The following USP20 variants were observed in gnomAD, a reference collection of about 807,000 sequenced individuals.
USP20 encodes ubiquitin carboxyl-terminal hydrolase 20.
A neutral mutation model predicts 124.2 loss-of-function variants in USP20; 80 were observed. The ratio of observed to expected loss-of-function variants is 0.64; its 90% confidence interval spans 0.54 to 0.78. The LOEUF is 0.78. Ranked by LOEUF, USP20 falls within the 30% of genes least tolerant of loss-of-function variation. The pLI is 0.00. For missense variants in USP20, 1,043 were observed against 1,244.4 expected (o/e 0.84, Z 2.44); for synonymous variants, 481 against 512.3 (o/e 0.94, Z 0.83).
At position 129,875,292 on chromosome 9, in the gene USP20, C is replaced by A; in HGVS notation, c.2049-18C>A. 1 of 1,587,940 alleles carries A rather than the reference C, an allele frequency of 6.3e-7. No homozygotes were observed. Among genetic ancestry groups the A allele is most frequent in the Non-Finnish European group, 8.6e-7 (1 of 1,164,948 alleles). On this transcript the variant is annotated intron_variant, in intron 19 of 25. Coordinates refer to ENST00000372429, the MANE Select transcript of USP20 (RefSeq NM_001110303.4). ...GCAGCCGTCAGGCACAGCTTCTCGC[C>A]CCCTCCTCACCCCACAGGAAGAGCA...
chr9:129,843,439 A>G (rs971719405), intron 1 of USP20, among the ~76,000 whole-genome samples: 1 of 151,040 alleles, frequency 6.6e-6, no homozygotes, highest in Non-Finnish European at 1.5e-5. Flanking sequence ...CAACCACGAC[A>G]ACAACAAAAA....
intron 2 of USP20, among the ~76,000 whole-genome samples, chr9:129,851,935 G>A (rs2032943870): frequency 6.6e-6 from 1 of 152,028 alleles, no homozygotes; most frequent in Admixed American, 6.6e-5. Context: ...CTCAGAAGAC[G>A]TTCTCTGGAG....
chr9:129,856,498 G>A (rs2033226132), intron 4 of USP20, 138 bp downstream of exon 4: 3 of 920,112 alleles, frequency 3.3e-6, no homozygotes, highest in Non-Finnish European at 5.2e-6. Context: ...CTTGGGCTGG[G>A]GCACAGGGGC....
chr9:129,846,754 C>A (rs1489778217), intron 1 of USP20, among the ~76,000 whole-genome samples: 1 of 151,010 alleles, frequency 6.6e-6, no homozygotes, highest in African/African-American at 2.4e-5. Flanking sequence ...AGCCTCCCTA[C>A]TAGCTGGGAA....
intron 1 of USP20, among the ~76,000 whole-genome samples, chr9:129,843,114 AT>A (rs1339771006): frequency 7.1e-6 from 1 of 141,772 alleles, no homozygotes; most frequent in East Asian, 2.0e-4. Context: ...ATTTTGACCA[AT>A]AATTTTTTTT....
At position 129,849,713 on chromosome 9, in the gene USP20, T is replaced by G. The variant is rs2032790101; in HGVS notation, c.-128-100T>G. ...AGAAGGTCAAGGCTGCAGTGAGCTG[T>G]GATCATGCCACTGCAACTCCAGCCT... On this transcript the variant is annotated intron_variant, in intron 1 of 25. Coordinates refer to ENST00000372429, the MANE Select transcript of USP20 (RefSeq NM_001110303.4). The G allele has an allele frequency of 2.6e-5, 4 of 152,470 alleles. No individual in the cohort carries two copies. In the South Asian group the frequency reaches 8.2e-4, roughly 31 times the overall value. 9.4% of individuals were successfully genotyped at this position (152,470 alleles called of 1,614,324 possible).
At chr9:129,870,429 C>G in intron 14 of USP20, 24 bp from the exon 15 acceptor site, 1 of 1,612,344 alleles carries the variant, frequency 6.2e-7, no homozygotes, top group Non-Finnish European at 8.5e-7. Flanking sequence ...TGGCAGCACC[C>G]CTGCACTCCT....
chr9:129,865,792 A>T (rs941914918), intron 10 of USP20, among the ~76,000 whole-genome samples: 21 of 152,090 alleles, frequency 1.4e-4, no homozygotes, highest in Non-Finnish European at 2.4e-4. Flanking sequence ...AGGCTCCGAA[A>T]GTGCTGTGAT....
At chr9:129,876,811 G>C (rs1395955625) in intron 22 of USP20, among the ~76,000 whole-genome samples, 1 of 152,090 alleles carries the variant, frequency 6.6e-6, no homozygotes, top group Non-Finnish European at 1.5e-5. Context: ...TCTCAGCCTT[G>C]GCTGTGTTAT....
intron 7 of USP20, 49 bp from the exon 8 acceptor site, chr9:129,861,494 G>T: frequency 6.4e-7 from 1 of 1,568,468 alleles, no homozygotes. Flanking sequence ...AGGTTTCCTC[G>T]GTGGGGCAGG....
chr9:129,870,940 G>T (rs1011166709), intron 15 of USP20, among the ~76,000 whole-genome samples: 1 of 151,380 alleles, frequency 6.6e-6, no homozygotes, highest in African/African-American at 2.4e-5. Flanking sequence ...TGGCTATTTG[G>T]CATCTAAACC....
intron 3 of USP20, among the ~76,000 whole-genome samples, chr9:129,853,495 A>C (rs540832612): frequency 6.6e-6 from 1 of 152,348 alleles, no homozygotes; most frequent in Admixed American, 6.5e-5. Flanking sequence ...AAGTCATTGC[A>C]TCCATGGGCA....
At chr9:129,871,242 G>T (rs1251180446) in intron 15 of USP20, among the ~76,000 whole-genome samples, 1 of 43,332 alleles carries the variant, frequency 2.3e-5, no homozygotes, top group Non-Finnish European at 7.4e-5. Flanking sequence ...TACTCTAAAG[G>T]CCTCATAGAA....
rs2033915265 is a variant in USP20 at position 129,868,165 on chromosome 9, T to C, written c.851T>C (p.Leu284Ser). The C allele has an allele frequency of 3.7e-6, 6 of 1,614,120 alleles. No individual in the cohort carries two copies. Among genetic ancestry groups the C allele is most frequent in the Non-Finnish European group, 3.4e-6 (4 of 1,179,986 alleles). ...GDRSPSEDEF[L>S]SCDSSSDRGE... Reference sequence around the variant, plus strand: ...CGGAGCCCATCAGAAGATGAGTTCTTGTCCTGTGACTCGAGCAGTGACCGG... The same window carrying C: ...CGGAGCCCATCAGAAGATGAGTTCTCGTCCTGTGACTCGAGCAGTGACCGG... Residue 284 changes from leucine (L) to serine (S), a missense_variant, in exon 11 of 26, where the codon TTG (leucine) becomes TCG (serine). Physicochemically the swap from Leu to Ser is moderately radical, Grantham distance 145 (BLOSUM62 -2). Transcript: ENST00000372429.
chr9:129,878,340 G>T lies in USP20; in HGVS notation c.2412G>T (p.Leu804Phe). 2 of 1,588,344 alleles carry T rather than the reference G, an allele frequency of 1.3e-6. No individual in the cohort carries two copies. The highest frequency in any genetic ancestry group is 2.3e-5 in the South Asian group (2 of 87,346). ...RRIEIDTFIK[L>F]NKAFQAEESP... The stretch of plus-strand genomic sequence containing the variant: ...TCCCGTCCCTGCCCGCCTGCCAGTT[G>T]AACAAGGCCTTCCAGGCCGAGGAGT... Residue 804 changes from leucine to phenylalanine, a missense_variant and splice_region_variant, in exon 23 of 26, where the codon TTG (leucine) becomes TTT (phenylalanine). Physicochemically the swap from Leu to Phe is conservative, Grantham distance 22. Coordinates refer to ENST00000372429, the MANE Select transcript of USP20 (RefSeq NM_001110303.4).
chr9:129,875,059 G>A (rs2034323712), intron 19 of USP20, 104 bp downstream of exon 19: 1 of 1,476,880 alleles, frequency 6.8e-7, no homozygotes, highest in African/African-American at 1.4e-5. Context: ...GATTAAGCCA[G>A]GGAAGTAAGG....
At chr9:129,860,583 G>T (rs2033490344) in intron 6 of USP20, among the ~76,000 whole-genome samples, 2 of 152,082 alleles carry the variant, frequency 1.3e-5, no homozygotes, top group South Asian at 4.1e-4. Context: ...AGGTTAGCTG[G>T]GTGCTGTGCA....
At chr9:129,857,283 T>C (rs1444439869) in intron 4 of USP20, among the ~76,000 whole-genome samples, 3 of 152,218 alleles carry the variant, frequency 2.0e-5, no homozygotes, top group African/African-American at 7.2e-5. Context: ...TGGTCCTACC[T>C]CATAGGAGCC....
At chr9:129,868,533 C>T (rs1054299249) in intron 11 of USP20, 84 bp downstream of exon 11, 7 of 1,487,546 alleles carry the variant, frequency 4.7e-6, no homozygotes, top group Admixed American at 2.3e-5. Context: ...CTGCAGTAGC[C>T]CCCGGGGGAC....
Sources: allele counts gnomAD v4.1 joint callset (sites outside exome capture counted in the v4.1 genomes callset), GRCh38; gene constraint gnomAD v4.1.1; transcripts MANE v1.5; gene names NCBI Gene and HGNC (gene_info 2026-07-23, HGNC 2026-07-21).